SMIM17: variants seen among roughly 807,000 people sequenced by gnomAD.
The protein encoded by SMIM17 is small integral membrane protein 17.
In SMIM17, 10 loss-of-function variants were observed where a neutral mutation model predicts 12.2. The observed-to-expected ratio is 0.82, with a 90% confidence interval of 0.50 to 1.39. The LOEUF is 1.39. Ranked by LOEUF, SMIM17 falls within the 40% of genes most tolerant of loss-of-function variation. The pLI, the probability that SMIM17 is intolerant of heterozygous loss-of-function variation, is 0.00. For missense variants in SMIM17, 136 were observed against 118.2 expected (o/e 1.15, Z -0.70); for synonymous variants, 50 against 44.1 (o/e 1.13, Z -0.53).
At chr19:56,652,470 C>T (rs10418065) in intron 3 of SMIM17, among the ~76,000 whole-genome samples, 88,245 of 151,682 alleles carry the variant, frequency 0.58, 25,899 homozygotes, top group East Asian at 0.73. Context: ...CTGGCCAAGA[C>T]GGTGAAACCC....
At position 56,645,642 on chromosome 19, in the gene SMIM17, CA is replaced by C. The variant is rs1234434442; in HGVS notation, c.-25del. 6.9e-7 allele frequency: 1 copy of C among 1,453,704 alleles called. No individual in the cohort carries two copies. Among genetic ancestry groups the C allele is most frequent in the East Asian group, 2.6e-5 (1 of 38,928 alleles). 90.1% of individuals were successfully genotyped at this position (1,453,704 alleles called of 1,614,324 possible). A position where few individuals can be genotyped will look rare whatever the true frequency, so the allele number is the denominator to read the frequency against. On this transcript the variant is annotated 5_prime_UTR_variant, in exon 2 of 4. Transcript: ENST00000598409. Reference sequence around the variant, plus strand: ...CAGGAGGAGAAAGAGAAGCTTGTCTCAGAAGCTCCACCTCCTCCTGGGGCAA... The same window carrying C: ...CAGGAGGAGAAAGAGAAGCTTGTCTCGAAGCTCCACCTCCTCCTGGGGCAA...
chr19:56,653,583 T>C (rs1226118595), intron 3 of SMIM17, among the ~76,000 whole-genome samples: 1 of 152,190 alleles, frequency 6.6e-6, no homozygotes, highest in Non-Finnish European at 1.5e-5. Flanking sequence ...TGAGGAACTT[T>C]ATAAAAATTC....
intron 3 of SMIM17, among the ~76,000 whole-genome samples, chr19:56,650,620 C>T (rs529031845): frequency 6.6e-6 from 1 of 152,298 alleles, no homozygotes; most frequent in African/African-American, 2.4e-5. Flanking sequence ...AACCAAATGG[C>T]TTGCTTCAGG....
At chr19:56,649,005 C>T (rs190847176) in intron 3 of SMIM17, among the ~76,000 whole-genome samples, 13 of 152,164 alleles carry the variant, frequency 8.5e-5, no homozygotes, top group Admixed American at 2.6e-4. Flanking sequence ...GGGATGAGGG[C>T]GAGGGAAACA....
In SMIM17 at chr19:56,655,356, TA is replaced by T. The variant is rs1045319104; in HGVS notation, c.*149del. 2.0e-6 allele frequency: 1 copy of T among 498,792 alleles called. No homozygotes were observed. The highest frequency in any genetic ancestry group is 1.9e-5 in the African/African-American group (1 of 51,838). The allele number at this position is 498,792 out of a possible 1,614,324, so 30.9% of individuals were successfully genotyped here. ...TTCAAACATCCTTTGAGATGATTTTTAAAAAATTTTTGGTGTGAGTTTTCAC... is the reference window on the plus strand; with the variant it reads ...TTCAAACATCCTTTGAGATGATTTTTAAAAATTTTTGGTGTGAGTTTTCAC... On this transcript the variant is annotated 3_prime_UTR_variant, in exon 4 of 4. Transcript: ENST00000598409.
chr19:56,653,118 C>G (rs1001128526), intron 3 of SMIM17, among the ~76,000 whole-genome samples: 1 of 152,136 alleles, frequency 6.6e-6, no homozygotes, highest in South Asian at 2.1e-4. Flanking sequence ...AACCAACACC[C>G]CAATCAAGAT....
intron 3 of SMIM17, among the ~76,000 whole-genome samples, chr19:56,649,506 AG>A (rs2045093223): frequency 1.3e-5 from 2 of 152,104 alleles, no homozygotes; most frequent in South Asian, 4.1e-4. Context: ...TGAAGCAGGA[AG>A]GGGGTTTGGG....
chr19:56,645,851 TC>T lies in SMIM17; in HGVS notation c.169+17del. 1.3e-6 allele frequency: 2 copies of T among 1,523,386 alleles called. No individual in the cohort carries two copies. Among genetic ancestry groups the T allele is most frequent in the Non-Finnish European group, 1.8e-6 (2 of 1,140,578 alleles). The allele number at this position is 1,523,386 out of a possible 1,614,324, so 94.4% of individuals were successfully genotyped here. On this transcript the variant is annotated intron_variant, in intron 2 of 3. Transcript: ENST00000598409. ...TGATGAGAAAGGTGAGAGGCAGGGG[TC>T]CTTTGGGAGGTGAGTGGGTGGAGAG... is the stretch of plus-strand genomic sequence containing the variant.
intron 3 of SMIM17, among the ~76,000 whole-genome samples, chr19:56,649,022 C>A (rs1252015637): frequency 2.0e-5 from 3 of 152,116 alleles, no homozygotes; most frequent in Non-Finnish European, 4.4e-5. Flanking sequence ...AACAAACTGG[C>A]CAACAAACCA....
chr19:56,657,095 A>G lies in SMIM17; in HGVS notation c.*1882A>G, dbSNP rs2045157322. ...CAATTGTTTTTGCTAATAAATTTTT[A>G]TAATCTTTGCTTTATGTACTCAACA... is the stretch of plus-strand genomic sequence containing the variant. On this transcript the variant is annotated 3_prime_UTR_variant, in exon 4 of 4. Transcript: ENST00000598409. 2.6e-5 allele frequency among the ~76,000 whole-genome samples: 4 copies of G among 152,270 alleles called. No individual in the cohort carries two copies. The South Asian group carries it at 8.3e-4, about 31-fold the overall frequency.
intron 2 of SMIM17, among the ~76,000 whole-genome samples, chr19:56,646,723 T>C (rs1304357350): frequency 1.3e-5 from 2 of 152,072 alleles, no homozygotes; most frequent in Non-Finnish European, 2.9e-5. Context: ...TGGGACATCT[T>C]TGGGAGAAGG....
At chr19:56,649,538 G>A (rs575739509) in intron 3 of SMIM17, among the ~76,000 whole-genome samples, 1 of 152,136 alleles carries the variant, frequency 6.6e-6, no homozygotes, top group East Asian at 1.9e-4. Context: ...GGGGCTGGGG[G>A]TTGCTATTTT....
At position 56,645,808 on chromosome 19, in the gene SMIM17, G is replaced by A. The variant is rs1194623021; in HGVS notation, c.141G>A (p.Gly47=). 1.3e-6 allele frequency: 2 copies of A among 1,535,588 alleles called. No individual in the cohort carries two copies. The highest frequency in any genetic ancestry group is 4.9e-5 in the East Asian group (2 of 40,898). Residue 47 remains glycine, a synonymous_variant, in exon 2 of 4, where the codon GGG becomes GGA. Transcript: ENST00000598409. ...AAGACTGGGAGGCTGTGGAGGTTGG[G>A]GCCTCCAGCCATGACAGTGATGAGA... ...CTKDWEAVEV[G]ASSHDSDEKD... is the part of the protein sequence containing the mutation.
Position 56,645,750 on chromosome 19 carries a change from C to T in SMIM17, c.83C>T (p.Ala28Val). Residue 28 changes from alanine (A) to valine (V), a missense_variant, in exon 2 of 4, where the codon GCC becomes GTC. Physicochemically the swap from Ala to Val is moderately conservative, Grantham distance 64 (BLOSUM62 0). Coordinates refer to ENST00000598409, the MANE Select transcript of SMIM17 (RefSeq NM_001193628.2). ...ACTCTGCTGCCTCGGGAGAGCCGGG[C>T]CTGGGAGAAGCCTCCTCATCCCGCC... ...TKTLLPRESR[A>V]WEKPPHPACT... The T allele has an allele frequency of 6.5e-7, 1 of 1,535,840 alleles. No homozygotes were observed. The highest frequency in any genetic ancestry group is 2.0e-5 in the Admixed American group (1 of 50,984).
chr19:56,652,808 A>G (rs2045120064), intron 3 of SMIM17, among the ~76,000 whole-genome samples: 1 of 152,164 alleles, frequency 6.6e-6, no homozygotes, highest in African/African-American at 2.4e-5. Flanking sequence ...GGAGGATCTC[A>G]TTAGCAAAGG....
rs1003679214 is a variant in SMIM17, at chr19:56,645,770, C to T, written c.103C>T (p.Pro35Ser). 3.3e-6 allele frequency: 5 copies of T among 1,535,840 alleles called. No individual in the cohort carries two copies. Among genetic ancestry groups the T allele is most frequent in the Non-Finnish European group, 4.4e-6 (5 of 1,146,868 alleles). The change falls in exon 2 of 4, where the codon CCC becomes TCC. Residue 35 changes from proline to serine, a missense_variant. Transcript: ENST00000598409. ...CCGGGCCTGGGAGAAGCCTCCTCAT[C>T]CCGCCTGCACCAAAGACTGGGAGGC... is the stretch of plus-strand genomic sequence containing the variant. Reference protein sequence around the residue: ...ESRAWEKPPHPACTKDWEAVE... With the variant: ...ESRAWEKPPHSACTKDWEAVE...
At position 56,655,478 on chromosome 19, in the gene SMIM17, C is replaced by A. The variant is rs1430168817; in HGVS notation, c.*265C>A. ...AAGTGCTAATTAATCATTAAGATGC[C>A]ACCAACTGGAAGATATCTCCTGACT... On this transcript the variant is annotated 3_prime_UTR_variant, in exon 4 of 4. Transcript: ENST00000598409. 2 of 405,232 alleles carry A rather than the reference C, an allele frequency of 4.9e-6. No individual in the cohort carries two copies. Among genetic ancestry groups the A allele is most frequent in the Non-Finnish European group, 8.7e-6 (2 of 230,132 alleles). The allele number at this position is 405,232 out of a possible 1,614,324, so 25.1% of individuals were successfully genotyped here.
intron 2 of SMIM17, among the ~76,000 whole-genome samples, chr19:56,646,130 G>A (rs1320693770): frequency 1.3e-5 from 2 of 152,160 alleles, no homozygotes; most frequent in Non-Finnish European, 2.9e-5. Flanking sequence ...GCCACTGGTC[G>A]ATCTCAGATG....
intron 3 of SMIM17, among the ~76,000 whole-genome samples, chr19:56,648,136 ATCCATCCATCCATC>A (rs2045080411): frequency 1.5e-4 from 1 of 6,872 alleles, no homozygotes; most frequent in Non-Finnish European, 2.3e-4. Context: ...CCACTTATCC[ATCCATCCATCCATC>A]CATCCATCCA....
Sources: gnomAD v4.1 joint callset for allele counts (sites outside exome capture counted in the v4.1 genomes callset) on GRCh38, gnomAD v4.1.1 for gene constraint, MANE v1.5 for transcripts, NCBI Gene and HGNC (gene_info 2026-07-23, HGNC 2026-07-21) for gene names.